Variants in SEMA3A observed in about 807,000 individuals in gnomAD.
SEMA3A encodes the protein semaphorin 3A, also known as semaphorin-3A.
In SEMA3A, 29 loss-of-function variants were observed where a neutral mutation model predicts 97.9. The observed-to-expected ratio is 0.30, with a 90% CI of 0.22 to 0.40. The LOEUF (loss-of-function observed/expected upper bound fraction) is 0.40, where lower values mean the gene tolerates loss of function less well. SEMA3A is among the 10% of genes least tolerant of loss of function. The pLI, the probability that SEMA3A is intolerant of heterozygous loss-of-function variation, is 1.00. For missense variants in SEMA3A, 763 were observed against 951.3 expected, an observed-to-expected ratio of 0.80 and a Z score of 2.60; for synonymous variants, 321 against 323.7, an observed-to-expected ratio of 0.99 and a Z score of 0.09.
At chr7:84,377,074 T>C (rs910963631) in intron 1 of SEMA3A, among the ~76,000 whole-genome samples, 3 of 152,204 alleles carry the variant, frequency 2.0e-5, no homozygotes, top group Admixed American at 6.5e-5. Context: ...TTTGAGATTT[T>C]CTCCATAAAA....
chr7:83,985,498 T>C (rs762959685), intron 12 of SEMA3A, 21 bp from the exon 13 acceptor site: 43 of 1,605,102 alleles, frequency 2.7e-5, no homozygotes, highest in Middle Eastern at 1.6e-4. Context: ...AAAAGAAATA[T>C]GTGAGGTGTT....
chr7:84,270,430 T>C (rs1373013737), intron 3 of SEMA3A, among the ~76,000 whole-genome samples: 4 of 151,678 alleles, frequency 2.6e-5, no homozygotes, highest in African/African-American at 7.3e-5. Context: ...CCTTAGTTAC[T>C]CTCAGCAAGT....
chr7:83,986,882 T>A (rs1029471327), intron 12 of SEMA3A, among the ~76,000 whole-genome samples: 1 of 151,988 alleles, frequency 6.6e-6, no homozygotes, highest in Non-Finnish European at 1.5e-5. Flanking sequence ...CTGAATGAAT[T>A]AATACATGTA....
chr7:84,354,904 A>C (rs547483615), intron 2 of SEMA3A, among the ~76,000 whole-genome samples: 107 of 151,832 alleles, frequency 7.0e-4, no homozygotes, highest in Admixed American at 2.0e-3. Context: ...AAAATATGGT[A>C]TCATTCTTCA....
intron 15 of SEMA3A, among the ~76,000 whole-genome samples, chr7:83,974,994 T>C (rs1414524820): frequency 6.6e-6 from 1 of 152,202 alleles, no homozygotes; most frequent in Non-Finnish European, 1.5e-5. Flanking sequence ...TAAATTTATT[T>C]ACACTCACTT....
chr7:84,314,501 T>C (rs145315103), intron 2 of SEMA3A, among the ~76,000 whole-genome samples: 164 of 152,282 alleles, frequency 1.1e-3, no homozygotes, highest in Middle Eastern at 3.4e-3. Context: ...GCCATAAGAC[T>C]AGTATGTCTC....
chr7:84,357,817 T>G (rs562917855), intron 2 of SEMA3A, among the ~76,000 whole-genome samples: 1 of 151,974 alleles, frequency 6.6e-6, no homozygotes, highest in South Asian at 2.1e-4. Flanking sequence ...GACTTTTTAA[T>G]GATCGCCATT....
chr7:84,133,866 C>T (rs988815646), intron 2 of SEMA3A, among the ~76,000 whole-genome samples: 11 of 135,910 alleles, frequency 8.1e-5, no homozygotes, highest in African/African-American at 2.8e-4. Context: ...CTGGCTAACA[C>T]GGTGAAACCT....
intron 1 of SEMA3A, among the ~76,000 whole-genome samples, chr7:84,158,538 C>A (rs986713736): frequency 2.0e-5 from 3 of 152,106 alleles, no homozygotes; most frequent in Non-Finnish European, 4.4e-5. Context: ...GGCTTATTTG[C>A]TTCAGAGCAT....
At chr7:84,343,320 G>C (rs749588587) in intron 2 of SEMA3A, among the ~76,000 whole-genome samples, 2 of 152,070 alleles carry the variant, frequency 1.3e-5, no homozygotes, top group Non-Finnish European at 2.9e-5. Context: ...TGTCCTGTTG[G>C]CAACTGAAAA....
chr7:84,479,674 A>G (rs1232451958), intron 1 of SEMA3A, among the ~76,000 whole-genome samples: 1 of 152,186 alleles, frequency 6.6e-6, no homozygotes, highest in East Asian at 1.9e-4. Flanking sequence ...CTTAAAATTA[A>G]TGTTTGTCAA....
At position 84,250,109 on chromosome 7, in the gene SEMA3A, C is replaced by T. The variant is rs111683350; in HGVS notation, c.-82-55441G>A. ...AGAAAATCTTATAATCAGTTACTTG[C>T]TGGGGATATATAAACTATACTGGTG... On this transcript the variant is annotated intron_variant, in intron 3 of 3. Transcript: ENST00000424555. Among the ~76,000 whole-genome samples the T allele has an allele frequency of 1.5e-4, 23 of 151,872 alleles. 1 individual carries two copies. The highest frequency in any genetic ancestry group is 5.3e-4 in the African/African-American group (22 of 41,496).
intron 3 of SEMA3A, among the ~76,000 whole-genome samples, chr7:84,281,487 T>C (rs2115744198): frequency 6.6e-6 from 1 of 152,252 alleles, no homozygotes; most frequent in East Asian, 1.9e-4. Flanking sequence ...GGGATTATAC[T>C]TGGATAGGAT....
chr7:84,197,183 A>G (rs892973112), upstream of SEMA3A, among the ~76,000 whole-genome samples: 1 of 152,180 alleles, frequency 6.6e-6, no homozygotes, highest in African/African-American at 2.4e-5. Context: ...AGACACCTCC[A>G]TATACACACG....
chr7:84,320,357 T>C (rs1402461767), intron 2 of SEMA3A, among the ~76,000 whole-genome samples: 1 of 151,886 alleles, frequency 6.6e-6, no homozygotes, highest in East Asian at 1.9e-4. Flanking sequence ...GTTAAAATAA[T>C]ATGTTTCTTC....
At chr7:84,462,695 C>T (rs1287180660) in intron 1 of SEMA3A, among the ~76,000 whole-genome samples, 3 of 152,100 alleles carry the variant, frequency 2.0e-5, no homozygotes, top group East Asian at 3.9e-4. Flanking sequence ...AATGCCTACT[C>T]TAGTAGAAAA....
At chr7:84,284,206 C>T (rs925263789) in intron 3 of SEMA3A, among the ~76,000 whole-genome samples, 2 of 151,992 alleles carry the variant, frequency 1.3e-5, no homozygotes, top group Non-Finnish European at 2.9e-5. Flanking sequence ...AAAGTAAATG[C>T]TATGTGTATC....
chr7:83,959,976 C>T lies in SEMA3A; in HGVS notation c.*1395G>A, dbSNP rs191661208. 3.9e-5 allele frequency: 6 copies of T among 152,130 alleles called. No individual in the cohort carries two copies. The highest frequency in any genetic ancestry group is 2.6e-4 in the Admixed American group (4 of 15,270). The allele number at this position is 152,130 out of a possible 1,614,324, so 9.4% of individuals were successfully genotyped here. ...ACATTGTTTAAATGTGGGTTGCATCCTGGAAAATACTTTGTAGAAAAGTCC... is the reference window on the plus strand; with the variant it reads ...ACATTGTTTAAATGTGGGTTGCATCTTGGAAAATACTTTGTAGAAAAGTCC... On this transcript the variant is annotated 3_prime_UTR_variant, in exon 17 of 17. Coordinates refer to ENST00000265362, the MANE Select transcript of SEMA3A (RefSeq NM_006080.3).
chr7:84,173,191 T>C (rs17158699), intron 1 of SEMA3A, among the ~76,000 whole-genome samples: 6,449 of 152,272 alleles, frequency 0.042, 476 homozygotes, highest in African/African-American at 0.15. Flanking sequence ...TCTTTTGTCA[T>C]ATCATTTTTA....
Sources: allele counts gnomAD v4.1 joint callset (sites outside exome capture counted in the v4.1 genomes callset), GRCh38; gene constraint gnomAD v4.1.1; transcripts MANE v1.5; gene names NCBI Gene and HGNC (gene_info 2026-07-23, HGNC 2026-07-21).